ATP2B2: variants seen among roughly 807,000 people sequenced by gnomAD.
ATP2B2 encodes plasma membrane calcium-transporting ATPase 2.
In ATP2B2, 15 loss-of-function variants were observed where a neutral mutation model predicts 120.0. The ratio of observed to expected loss-of-function variants is 0.12; its 90% confidence interval spans 0.08 to 0.19. The LOEUF (loss-of-function observed/expected upper bound fraction) is 0.19. ATP2B2 is among the 10% of genes least tolerant of loss of function. The probability of loss-of-function intolerance (pLI) is 1.00; values close to 1 mark genes in which losing one functional copy is unlikely to be tolerated. For missense variants in ATP2B2, 1,045 were observed against 1,719.8 expected, an observed-to-expected ratio of 0.61 and a Z score of 6.94; for synonymous variants, 694 against 700.3, an observed-to-expected ratio of 0.99 and a Z score of 0.14.
intron 2 of ATP2B2, among the ~76,000 whole-genome samples, chr3:10,610,176 CGT>C (rs746715983): frequency 2.7e-5 from 4 of 148,592 alleles, no homozygotes; most frequent in Admixed American, 6.7e-5. Context: ...AAATATATAT[CGT>C]GTGTGTGTGT....
chr3:10,368,635 T>G (rs2061136024), intron 12 of ATP2B2, among the ~76,000 whole-genome samples: 1 of 151,266 alleles, frequency 6.6e-6, no homozygotes, highest in Non-Finnish European at 1.5e-5. Context: ...AACCATCACA[T>G]CCACCCATCC....
Position 10,325,765 on chromosome 3 carries a change from G to A in ATP2B2, c.*3049C>T, listed in dbSNP as rs62240129. The A allele has an allele frequency of 0.029, 4,467 of 152,264 alleles. 98 individuals carry two copies. Among genetic ancestry groups the A allele is most frequent in the African/African-American group, 0.044 (1,818 of 41,532 alleles). The allele number at this position is 152,264 out of a possible 1,614,324, so 9.4% of individuals were successfully genotyped here. A position where few individuals can be genotyped will look rare whatever the true frequency, so the allele number is the denominator to read the frequency against. ...CTCCAAAGATGAGTGATTCTGCAGC[G>A]CCAGGAGTCACTGAACGGGCTCCCT... On this transcript the variant is annotated 3_prime_UTR_variant, in exon 23 of 23. Coordinates refer to ENST00000360273, the MANE Select transcript of ATP2B2 (RefSeq NM_001001331.4).
chr3:10,605,726 G>A (rs2069046084), intron 2 of ATP2B2, among the ~76,000 whole-genome samples: 1 of 151,162 alleles, frequency 6.6e-6, no homozygotes, highest in African/African-American at 2.4e-5. Context: ...TCGGCTCACT[G>A]CAACCTCCGC....
chr3:10,489,890 C>CTTATGG (rs2065869398), intron 1 of ATP2B2, among the ~76,000 whole-genome samples: 1 of 152,266 alleles, frequency 6.6e-6, no homozygotes, highest in Admixed American at 6.5e-5. Context: ...GCCTGCAGCC[C>CTTATGG]TGGGCTTAGC....
chr3:10,344,951 C>G (rs987589715), intron 18 of ATP2B2, among the ~76,000 whole-genome samples: 6 of 152,214 alleles, frequency 3.9e-5, no homozygotes, highest in Non-Finnish European at 5.9e-5. Flanking sequence ...CACTCCAGTC[C>G]AGAGCCAGGG....
At chr3:10,406,434 G>T (rs930557953) in intron 3 of ATP2B2, among the ~76,000 whole-genome samples, 1 of 152,208 alleles carries the variant, frequency 6.6e-6, no homozygotes, top group African/African-American at 2.4e-5. Flanking sequence ...TGCATTTACC[G>T]CAGTGGTCTC....
chr3:10,616,013 GA>G (rs1433076694), intron 2 of ATP2B2, among the ~76,000 whole-genome samples: 2 of 152,140 alleles, frequency 1.3e-5, no homozygotes, highest in Non-Finnish European at 2.9e-5. Flanking sequence ...CACCTCTCCA[GA>G]GATTTATTAA....
At chr3:10,617,213 A>G (rs2069413884) in intron 2 of ATP2B2, among the ~76,000 whole-genome samples, 1 of 152,236 alleles carries the variant, frequency 6.6e-6, no homozygotes, top group African/African-American at 2.4e-5. Context: ...TAGAAGTGAA[A>G]TTACTAGTTC....
At position 10,550,028 on chromosome 3, in the gene ATP2B2, G is replaced by A. The variant is rs145511331; in HGVS notation, c.-414-15895C>T. ...CTATATATTTCTCATATCTTGCTAT[G>A]GGATCACATTCTGTCAACAGCCCAA... On this transcript the variant is annotated intron_variant, in intron 2 of 21. Coordinates refer to the ATP2B2 transcript ENST00000646379. 5.9e-5 allele frequency among the ~76,000 whole-genome samples: 9 copies of A among 152,336 alleles called. No individual in the cohort carries two copies. The East Asian group carries it at 1.5e-3, about 26-fold the overall frequency.
chr3:10,512,802 C>T (rs533098351), intron 3 of ATP2B2, among the ~76,000 whole-genome samples: 3 of 152,190 alleles, frequency 2.0e-5, no homozygotes, highest in Admixed American at 6.5e-5. Context: ...CACCCACAGG[C>T]GGCAATTCCG....
intron 2 of ATP2B2, among the ~76,000 whole-genome samples, chr3:10,559,811 TC>T (rs1462614465): frequency 1.3e-5 from 2 of 152,220 alleles, no homozygotes; most frequent in Non-Finnish European, 2.9e-5. Flanking sequence ...ACGTGTTCCT[TC>T]CGCGGGGAGC....
At chr3:10,502,655 C>T (rs1264960389) in intron 1 of ATP2B2, among the ~76,000 whole-genome samples, 2 of 152,376 alleles carry the variant, frequency 1.3e-5, no homozygotes, top group Non-Finnish European at 2.9e-5. Context: ...GCATCAGCAA[C>T]TCCATAGGGT....
At position 10,440,378 on chromosome 3, in the gene ATP2B2, G is replaced by A. The variant is rs182076563; in HGVS notation, c.199+8967C>T. Among the ~76,000 whole-genome samples the A allele has an allele frequency of 3.0e-3, 458 of 152,292 alleles. 2 individuals carry two copies. Among genetic ancestry groups the A allele is most frequent in the Non-Finnish European group, 5.1e-3 (346 of 68,028 alleles). On this transcript the variant is annotated intron_variant, in intron 2 of 22. Coordinates refer to ENST00000360273, the MANE Select transcript of ATP2B2 (RefSeq NM_001001331.4). ...TGGAGGCCCATTTCACACTCACAGG[G>A]ACATAAACACTATTATCCAACCTGA...
Position 10,329,102 on chromosome 3 carries a change from A to G in ATP2B2, c.3444T>C (p.Arg1148=). The change falls in exon 23 of 23, where the codon CGT becomes CGC. Residue 1148 remains arginine (R), a synonymous_variant. Transcript: ENST00000360273. The surrounding 1 kb of genome is among the most constrained non-coding windows in gnomAD (Gnocchi z 5.9). ...TTTCTAAACCTTCATAGAGAGAGCT[A>G]CGGAACGCCTTCACGACGCGGATCT... The part of the protein sequence containing the change: ...QTQIRVVKAF[R]SSLYEGLEKP... 5 of 1,612,446 alleles carry G rather than the reference A, an allele frequency of 3.1e-6. No homozygotes were observed. The highest frequency in any genetic ancestry group is 4.2e-6 in the Non-Finnish European group (5 of 1,179,298).
At chr3:10,522,044 T>C (rs2066994261) in intron 3 of ATP2B2, among the ~76,000 whole-genome samples, 1 of 151,964 alleles carries the variant, frequency 6.6e-6, no homozygotes, top group African/African-American at 2.4e-5. Context: ...GACAGTGGGG[T>C]TGGGGATTGA....
At chr3:10,564,691 C>T (rs1448916946) in intron 2 of ATP2B2, among the ~76,000 whole-genome samples, 2 of 152,220 alleles carry the variant, frequency 1.3e-5, no homozygotes, top group Non-Finnish European at 2.9e-5. Flanking sequence ...GTGCCACTTA[C>T]ACACCCTTTA....
At chr3:10,379,821 A>G (rs900849121) in intron 8 of ATP2B2, among the ~76,000 whole-genome samples, 9 of 151,908 alleles carry the variant, frequency 5.9e-5, no homozygotes, top group African/African-American at 2.2e-4. Context: ...TAGAATGGAG[A>G]GGAGTTTGGA....
In ATP2B2 at chr3:10,596,059, CA is replaced by C. The variant is rs1194301817; in HGVS notation, c.-415+23857del. 1.6e-4 allele frequency among the ~76,000 whole-genome samples: 25 copies of C among 152,266 alleles called. No individual in the cohort carries two copies. The East Asian group carries it at 4.6e-3, about 28-fold the overall frequency. On this transcript the variant is annotated intron_variant, in intron 2 of 21. Transcript: ENST00000646379. Reference sequence around the variant, plus strand: ...CCCGCTTGTCACTCAGCTCTCAGCTCAAAGGTCCCCTCTGCAGAGAGGCCCT... The same window carrying C: ...CCCGCTTGTCACTCAGCTCTCAGCTCAAGGTCCCCTCTGCAGAGAGGCCCT...
At chr3:10,332,070 G>A in intron 22 of ATP2B2, 1 of 1,542,046 alleles carries the variant, frequency 6.5e-7, no homozygotes, top group Non-Finnish European at 8.8e-7. Context: ...TATTCAGACA[G>A]TGGAGAGGTC....
Sources: gnomAD v4.1 joint callset for allele counts (sites outside exome capture counted in the v4.1 genomes callset) on GRCh38, gnomAD v4.1.1 for gene constraint, Gnocchi (gnomAD v3.1) non-coding constraint, MANE v1.5 for transcripts, NCBI Gene and HGNC (gene_info 2026-07-23, HGNC 2026-07-21) for gene names.